Variants in UGT8 observed in about 807,000 individuals in gnomAD.
UGT8 encodes UDP glycosyltransferase 8, also known as 2-hydroxyacylsphingosine 1-beta-galactosyltransferase.
In UGT8, 12 loss-of-function variants were observed where a neutral mutation model predicts 40.5. The ratio of observed to expected loss-of-function variants is 0.30; its 90% CI spans 0.19 to 0.48. The LOEUF is 0.48. Among genes scored for constraint, UGT8 ranks in the 20% least tolerant of loss-of-function variants. The pLI is 0.99. For synonymous variants in UGT8, 224 were observed against 240.4 expected, an observed-to-expected ratio of 0.93 and a Z score of 0.63; for missense variants, 513 against 648.7, an observed-to-expected ratio of 0.79 and a Z score of 2.27.
chr4:114,661,672 G>A (rs1228269671), intron 2 of UGT8, among the ~76,000 whole-genome samples: 1 of 152,178 alleles, frequency 6.6e-6, no homozygotes, highest in Non-Finnish European at 1.5e-5. Context: ...GTTACATTGA[G>A]GGACAGTAAG....
At chr4:114,629,280 A>G (rs376395623) in intron 2 of UGT8, among the ~76,000 whole-genome samples, 2 of 152,194 alleles carry the variant, frequency 1.3e-5, no homozygotes, top group South Asian at 2.1e-4. Flanking sequence ...AGAAGAGACT[A>G]ATAATTTCAT....
intron 2 of UGT8, among the ~76,000 whole-genome samples, chr4:114,627,255 C>CTT (rs199675716): frequency 1.6e-4 from 20 of 126,786 alleles, no homozygotes; most frequent in Admixed American, 3.2e-4. Flanking sequence ...TGAATAGATT[C>CTT]TTTTTTTTTT....
chr4:114,616,204 T>A (rs1289017687), intron 1 of UGT8, among the ~76,000 whole-genome samples: 1 of 151,978 alleles, frequency 6.6e-6, no homozygotes, highest in Admixed American at 6.5e-5. Flanking sequence ...AGAGGTGGAG[T>A]CTACAGAGGC....
intron 4 of UGT8, among the ~76,000 whole-genome samples, chr4:114,667,422 A>G (rs1023708363): frequency 6.6e-6 from 1 of 152,216 alleles, no homozygotes; most frequent in Non-Finnish European, 1.5e-5. Context: ...TTGAACTTCC[A>G]TATTAATTTT....
At chr4:114,657,887 A>G (rs775392435) in intron 2 of UGT8, among the ~76,000 whole-genome samples, 3 of 152,228 alleles carry the variant, frequency 2.0e-5, no homozygotes, top group African/African-American at 4.8e-5. Flanking sequence ...GCTGGGCCTC[A>G]GAGAGAATAG....
chr4:114,633,359 C>T (rs1471063777), intron 2 of UGT8, among the ~76,000 whole-genome samples: 1 of 152,198 alleles, frequency 6.6e-6, no homozygotes, highest in East Asian at 1.9e-4. Flanking sequence ...AAGGAGTCTT[C>T]TCAGACAATC....
At chr4:114,608,457 A>G (rs958184225) in intron 1 of UGT8, among the ~76,000 whole-genome samples, 7 of 152,094 alleles carry the variant, frequency 4.6e-5, no homozygotes, top group African/African-American at 1.7e-4. Flanking sequence ...CTAATTTTCT[A>G]TACGTATTTT....
intron 1 of UGT8, among the ~76,000 whole-genome samples, chr4:114,612,612 C>G (rs1209764406): frequency 6.6e-6 from 1 of 152,026 alleles, no homozygotes; most frequent in African/African-American, 2.4e-5. Flanking sequence ...ATTTTCTTTT[C>G]CAGTACGTTA....
chr4:114,619,925 G>T (rs1261298430), intron 1 of UGT8, among the ~76,000 whole-genome samples: 1 of 151,184 alleles, frequency 6.6e-6, no homozygotes, highest in Non-Finnish European at 1.5e-5. Flanking sequence ...GTTTTCTATT[G>T]AGTATTTTTC....
chr4:114,610,275 A>G (rs1036428064), intron 1 of UGT8, among the ~76,000 whole-genome samples: 1 of 152,180 alleles, frequency 6.6e-6, no homozygotes, highest in African/African-American at 2.4e-5. Flanking sequence ...CCCTTTCTCT[A>G]CAAATGAGGG....
chr4:114,642,457 A>G (rs138205192), intron 2 of UGT8, among the ~76,000 whole-genome samples: 1 of 152,074 alleles, frequency 6.6e-6, no homozygotes, highest in African/African-American at 2.4e-5. Flanking sequence ...AGTTTTATTG[A>G]TGTGTTCTTC....
chr4:114,650,323 C>G (rs766604258), intron 2 of UGT8, among the ~76,000 whole-genome samples: 5 of 152,102 alleles, frequency 3.3e-5, no homozygotes, highest in Non-Finnish European at 5.9e-5. Context: ...TCTATTTAAC[C>G]CATTTATGCC....
intron 1 of UGT8, among the ~76,000 whole-genome samples, chr4:114,601,821 C>T (rs1288616107): frequency 6.8e-6 from 1 of 146,984 alleles, no homozygotes; most frequent in Non-Finnish European, 1.5e-5. Flanking sequence ...TACCATTCTT[C>T]TTTTTATGTT....
chr4:114,601,679 T>C (rs908130592), intron 1 of UGT8, among the ~76,000 whole-genome samples: 5 of 152,210 alleles, frequency 3.3e-5, no homozygotes, highest in African/African-American at 4.8e-5. Flanking sequence ...TAAGTTATTC[T>C]TTCTTGTTGG....
intron 2 of UGT8, among the ~76,000 whole-genome samples, chr4:114,648,393 A>G (rs1213279087): frequency 1.2e-5 from 1 of 85,218 alleles, no homozygotes; most frequent in East Asian, 3.7e-4. Flanking sequence ...TTTTTTTTTT[A>G]GTCAAATCGG....
In UGT8 at chr4:114,676,379, C is replaced by T; in HGVS notation, c.*91C>T. On this transcript the variant is annotated 3_prime_UTR_variant, in exon 6 of 6. Coordinates refer to ENST00000310836, the MANE Select transcript of UGT8 (RefSeq NM_001128174.3). ...CTAACAGCTACTAAAAGTAAAACAT[C>T]AGTAAACAATTCTAACATGCCCTTA... The T allele has an allele frequency of 8.9e-7, 1 of 1,121,318 alleles. No homozygotes were observed. The highest frequency in any genetic ancestry group is 2.4e-5 in the East Asian group (1 of 42,020). 69.5% of individuals were successfully genotyped at this position (1,121,318 alleles called of 1,614,324 possible). A position where few individuals can be genotyped will look rare whatever the true frequency, so the allele number is the denominator to read the frequency against.
At position 114,675,926 on chromosome 4, in the gene UGT8, T is replaced by C; in HGVS notation, c.1264T>C (p.Tyr422His). 1 of 1,609,984 alleles carries C rather than the reference T, an allele frequency of 6.2e-7. No individual in the cohort carries two copies. Among genetic ancestry groups the C allele is most frequent in the Non-Finnish European group, 8.5e-7 (1 of 1,177,248 alleles). The change falls in exon 6 of 6, where the codon TAC becomes CAC. Residue 422 changes from tyrosine (Y) to histidine (H), a missense_variant and splice_region_variant. Tyr to His is a moderately conservative substitution (Grantham distance 83). Coordinates refer to ENST00000310836, the MANE Select transcript of UGT8 (RefSeq NM_001128174.3). The stretch of plus-strand genomic sequence containing the variant: ...CTGTGTTTTGTCCCCTCTCCATAGC[T>C]ACCGTCAGAGGGCTCAGAAGCTTTC... ...ALVKVINNPS[Y>H]RQRAQKLSEI...
At chr4:114,655,324 G>A (rs1284055068) in intron 2 of UGT8, among the ~76,000 whole-genome samples, 5 of 151,952 alleles carry the variant, frequency 3.3e-5, no homozygotes, top group Admixed American at 1.3e-4. Context: ...GACCATGGAT[G>A]CATCTGTGAG....
At chr4:114,606,686 G>T (rs967857298) in intron 1 of UGT8, among the ~76,000 whole-genome samples, 1 of 152,126 alleles carries the variant, frequency 6.6e-6, no homozygotes, top group Non-Finnish European at 1.5e-5. Context: ...TCTTAATGGA[G>T]ATAAAGTAAG....
Sources: gnomAD v4.1 joint callset for allele counts (sites outside exome capture counted in the v4.1 genomes callset) on GRCh38, gnomAD v4.1.1 for gene constraint, MANE v1.5 for transcripts, NCBI Gene and HGNC (gene_info 2026-07-23, HGNC 2026-07-21) for gene names.